TBC1D31: variants seen among roughly 807,000 people sequenced by gnomAD.
TBC1D31 encodes TBC1 domain family member 31.
Under a neutral mutation model 132.9 loss-of-function variants are expected in TBC1D31, and 99 were observed. That is an observed-to-expected ratio of 0.74 (90% CI 0.63 to 0.88). The LOEUF is 0.88. Ranked by LOEUF, TBC1D31 falls within the 40% of genes least tolerant of loss-of-function variation. The probability of loss-of-function intolerance (pLI) is 0.00; values close to 1 mark genes in which losing one functional copy is unlikely to be tolerated. For synonymous variants in TBC1D31, 385 were observed against 419.4 expected, an observed-to-expected ratio of 0.92 and a Z score of 1.00; for missense variants, 1,134 against 1,256.6, an observed-to-expected ratio of 0.90 and a Z score of 1.48.
At chr8:123,138,379 T>C (rs1821302851) in intron 17 of TBC1D31, among the ~76,000 whole-genome samples, 1 of 129,254 alleles carries the variant, frequency 7.7e-6, no homozygotes, top group South Asian at 2.3e-4. Flanking sequence ...TATTTTTATT[T>C]TTAGCAAATT....
chr8:123,075,367 A>G (rs1422290462), intron 1 of TBC1D31, among the ~76,000 whole-genome samples: 1 of 152,232 alleles, frequency 6.6e-6, no homozygotes, highest in Non-Finnish European at 1.5e-5. Flanking sequence ...AATTTAGTAT[A>G]CTTTAATGAA....
chr8:123,138,722 A>T (rs1765239655), intron 17 of TBC1D31, among the ~76,000 whole-genome samples: 1 of 151,972 alleles, frequency 6.6e-6, no homozygotes, highest in Non-Finnish European at 1.5e-5. Flanking sequence ...CATGTTAAGC[A>T]TCTTTTCATA....
At chr8:123,165,006 G>A in the TBC1D31 span, among the ~76,000 whole-genome samples, 1 of 152,230 alleles carries the variant, frequency 6.6e-6, no homozygotes, top group Non-Finnish European at 1.5e-5. Context: ...TCTCTGAGGA[G>A]AGGAGATCTG....
At chr8:123,113,408 CT>C (rs1442167893) in intron 10 of TBC1D31, among the ~76,000 whole-genome samples, 1 of 152,104 alleles carries the variant, frequency 6.6e-6, no homozygotes, top group Non-Finnish European at 1.5e-5. Context: ...TAATACTGCT[CT>C]GCTTTTTGGG....
At chr8:123,125,880 A>G (rs963179781) in intron 11 of TBC1D31, among the ~76,000 whole-genome samples, 176 bp from the exon 12 acceptor site, 4 of 152,212 alleles carry the variant, frequency 2.6e-5, no homozygotes, top group Admixed American at 2.6e-4. Context: ...TTCTGTAAAC[A>G]TACTATGTTA....
intron 4 of TBC1D31, among the ~76,000 whole-genome samples, chr8:123,089,639 C>T (rs982976089): frequency 6.6e-6 from 1 of 152,156 alleles, no homozygotes; most frequent in East Asian, 1.9e-4. Context: ...ACCCAGGAGG[C>T]AGAGGTTGCA....
At chr8:123,109,134 G>T (rs183600917) in intron 8 of TBC1D31, among the ~76,000 whole-genome samples, 183 bp from the exon 9 acceptor site, 10 of 152,238 alleles carry the variant, frequency 6.6e-5, no homozygotes, top group Admixed American at 6.5e-4. Flanking sequence ...AACTTTATTG[G>T]CTATGTATAT....
chr8:123,081,668 ACT>A (rs1363838726), intron 2 of TBC1D31, among the ~76,000 whole-genome samples: 1 of 152,296 alleles, frequency 6.6e-6, no homozygotes, highest in Non-Finnish European at 1.5e-5. Context: ...GGTTTAATGG[ACT>A]CTCTGTTCCA....
chr8:123,162,240 C>T, the TBC1D31 span, among the ~76,000 whole-genome samples: 1 of 152,034 alleles, frequency 6.6e-6, no homozygotes, highest in African/African-American at 2.4e-5. Flanking sequence ...GATCACCTAG[C>T]ATGCCTCTGA....
At chr8:123,088,189 C>CA (rs71573665) in intron 4 of TBC1D31, among the ~76,000 whole-genome samples, 44,617 of 139,724 alleles carry the variant, frequency 0.32, 7,250 homozygotes, top group African/African-American at 0.46. Flanking sequence ...ACTCTTGTCT[C>CA]AAAAAAAAAA....
chr8:123,073,169 A>G, intron 1 of TBC1D31: 1 of 483,102 alleles, frequency 2.1e-6, no homozygotes, highest in South Asian at 1.8e-5. Flanking sequence ...TGTCCCTGGC[A>G]CGTAGTAGGT....
chr8:123,101,657 C>T, intron 7 of TBC1D31, among the ~76,000 whole-genome samples: 1 of 152,118 alleles, frequency 6.6e-6, no homozygotes, highest in East Asian at 1.9e-4. Flanking sequence ...TCATGATCCA[C>T]CCACCTTGGC....
At position 123,142,248 on chromosome 8, in the gene TBC1D31, T is replaced by C; in HGVS notation, c.2641-14T>C. The stretch of plus-strand genomic sequence containing the variant: ...AGTTTGACCTTGTTTCTGAAATGTA[T>C]AACTTTTTCCTAGGTGATTAAAGAA... On this transcript the variant is annotated splice_polypyrimidine_tract_variant and intron_variant, in intron 18 of 21. Transcript: ENST00000287380. 1 of 1,554,148 alleles carries C rather than the reference T, an allele frequency of 6.4e-7. No homozygotes were observed. Among genetic ancestry groups the C allele is most frequent in the South Asian group, 1.2e-5 (1 of 80,628 alleles).
At chr8:123,076,696 A>C (rs2130612161) in intron 1 of TBC1D31, among the ~76,000 whole-genome samples, 1 of 152,328 alleles carries the variant, frequency 6.6e-6, no homozygotes, top group East Asian at 1.9e-4. Flanking sequence ...ATTCACTGTG[A>C]AACATTCCAT....
intron 20 of TBC1D31, among the ~76,000 whole-genome samples, chr8:123,147,812 A>G (rs1366275079): frequency 2.0e-5 from 3 of 152,170 alleles, no homozygotes; most frequent in African/African-American, 7.2e-5. Context: ...AAAGCAGGAG[A>G]TAATCACCTA....
In TBC1D31 at chr8:123,104,310, G is replaced by A. The variant is rs193098995; in HGVS notation, c.1033-978G>A. On this transcript the variant is annotated intron_variant, in intron 7 of 21. Coordinates refer to ENST00000287380, the MANE Select transcript of TBC1D31 (RefSeq NM_145647.4). ...TTACTTGTTAAAATGTTCCCCAAGC[G>A]TAGCATTGAAGCGCTATTTATTGTT... 1.8e-4 allele frequency: 27 copies of A among 152,226 alleles called. 1 individual carries two copies. Among genetic ancestry groups the A allele is most frequent in the South Asian group, 1.2e-3 (6 of 4,822 alleles). The allele number at this position is 152,226 out of a possible 1,614,324, so 9.4% of individuals were successfully genotyped here.
intron 4 of TBC1D31, among the ~76,000 whole-genome samples, chr8:123,084,936 T>G (rs1005054155): frequency 6.6e-6 from 1 of 151,956 alleles, no homozygotes; most frequent in African/African-American, 2.4e-5. Flanking sequence ...ACTACAGGCA[T>G]GTACCACCAT....
intron 20 of TBC1D31, among the ~76,000 whole-genome samples, chr8:123,148,885 G>A (rs1485024806): frequency 6.6e-6 from 1 of 151,770 alleles, no homozygotes; most frequent in Non-Finnish European, 1.5e-5. Context: ...GTGAAACCTC[G>A]TCTCTACTAA....
chr8:123,106,319 G>C (rs1430401236), intron 8 of TBC1D31, among the ~76,000 whole-genome samples: 1 of 152,162 alleles, frequency 6.6e-6, no homozygotes, highest in Non-Finnish European at 1.5e-5. Context: ...GTCTAGCATA[G>C]TCACTCAGTA....
Sources: allele counts gnomAD v4.1 joint callset (sites outside exome capture counted in the v4.1 genomes callset), GRCh38; gene constraint gnomAD v4.1.1; transcripts MANE v1.5; gene names NCBI Gene and HGNC (gene_info 2026-07-23, HGNC 2026-07-21).